Variants in EPHA6 observed in about 807,000 individuals in gnomAD.
EPHA6 encodes the protein ephrin type-A receptor 6.
In EPHA6, 50 loss-of-function variants were observed where a neutral mutation model predicts 112.0. That is an observed-to-expected ratio of 0.45 (90% CI 0.36 to 0.56). The LOEUF (loss-of-function observed/expected upper bound fraction) is 0.56. EPHA6 is among the 20% of genes least tolerant of loss of function. EPHA6 has a pLI of 0.00. For synonymous variants in EPHA6, 529 were observed against 490.7 expected (o/e 1.08, Z -1.03); for missense variants, 1,280 against 1,417.4 (o/e 0.90, Z 1.56).
intron 13 of EPHA6, among the ~76,000 whole-genome samples, chr3:97,618,932 A>G (rs2093789320): frequency 6.6e-6 from 1 of 152,120 alleles, no homozygotes; most frequent in South Asian, 2.1e-4. Context: ...CATCTTCCTG[A>G]TACCAAAACC....
chr3:97,207,111 C>A (rs1328168141), intron 3 of EPHA6, among the ~76,000 whole-genome samples: 2 of 152,098 alleles, frequency 1.3e-5, no homozygotes, highest in East Asian at 3.9e-4. Flanking sequence ...TATGGTATTT[C>A]TTTGATAATG....
chr3:97,067,192 G>A lies in EPHA6; in HGVS notation c.1114+79199G>A, dbSNP rs2046204263. Among the ~76,000 whole-genome samples, 2 of 151,984 alleles carry A rather than the reference G, an allele frequency of 1.3e-5. 1 individual carries two copies. The highest frequency in any genetic ancestry group is 1.3e-4 in the Admixed American group (2 of 15,248). Reference sequence around the variant, plus strand: ...TGCCTGCCAGTGTCCATCTGCCTTAGGCAAAAATTTAAATTGCATACTTTA... The same window carrying A: ...TGCCTGCCAGTGTCCATCTGCCTTAAGCAAAAATTTAAATTGCATACTTTA... On this transcript the variant is annotated intron_variant, in intron 3 of 17. Coordinates refer to ENST00000389672, the MANE Select transcript of EPHA6 (RefSeq NM_001080448.3).
intron 1 of EPHA6, among the ~76,000 whole-genome samples, chr3:96,817,439 A>T (rs1309409839): frequency 1.3e-5 from 2 of 151,922 alleles, no homozygotes; most frequent in Non-Finnish European, 2.9e-5. Flanking sequence ...TAGAATTATC[A>T]TATGTATTCA....
intron 14 of EPHA6, among the ~76,000 whole-genome samples, chr3:97,673,296 A>T (rs1001164264): frequency 2.6e-5 from 4 of 152,174 alleles, no homozygotes; most frequent in Non-Finnish European, 5.9e-5. Context: ...GGTAAACTAA[A>T]AAAGGAAGAA....
chr3:96,981,886 G>T (rs1005764030), intron 2 of EPHA6, among the ~76,000 whole-genome samples: 3 of 152,020 alleles, frequency 2.0e-5, no homozygotes, highest in Non-Finnish European at 2.9e-5. Flanking sequence ...CATTTCTGTG[G>T]GATCAGTGGT....
At chr3:97,736,158 T>G (rs774140381) in intron 16 of EPHA6, 40 bp downstream of exon 16, 3 of 1,540,230 alleles carry the variant, frequency 1.9e-6, no homozygotes, top group East Asian at 4.5e-5. Flanking sequence ...TCTTGACAAT[T>G]ATGGTTTCTT....
chr3:97,400,714 G>GT (rs1194767358), intron 5 of EPHA6, among the ~76,000 whole-genome samples: 1 of 151,298 alleles, frequency 6.6e-6, no homozygotes, highest in Non-Finnish European at 1.5e-5. Context: ...TGCCTTGTTG[G>GT]TTTTTTCAGC....
chr3:97,639,309 A>G (rs766127155), intron 14 of EPHA6, among the ~76,000 whole-genome samples: 1 of 151,980 alleles, frequency 6.6e-6, no homozygotes, highest in Non-Finnish European at 1.5e-5. Context: ...CTCCATTTTT[A>G]AATTGGAAAA....
At chr3:97,177,640 G>T (rs2076873092) in intron 3 of EPHA6, among the ~76,000 whole-genome samples, 1 of 151,638 alleles carries the variant, frequency 6.6e-6, no homozygotes, top group African/African-American at 2.4e-5. Context: ...TCCAGTGTTT[G>T]GTTCATATAT....
rs1442163918 is a variant in EPHA6 at position 97,758,611 on chromosome 3, A to C, written c.*9910A>C. On this transcript the variant is annotated 3_prime_UTR_variant, in exon 18 of 18. Coordinates refer to ENST00000389672, the MANE Select transcript of EPHA6 (RefSeq NM_001080448.3). ...ATTGACCTTCTAGTGATAAAGACACACAATGAAGAAATAGTGATGTGCTGT... is the reference window on the plus strand; with the variant it reads ...ATTGACCTTCTAGTGATAAAGACACCCAATGAAGAAATAGTGATGTGCTGT... 1.3e-5 allele frequency among the ~76,000 whole-genome samples: 2 copies of C among 151,960 alleles called. No homozygotes were observed. Among genetic ancestry groups the C allele is most frequent in the African/African-American group, 4.8e-5 (2 of 41,416 alleles).
At chr3:97,057,164 C>T (rs2612269) in intron 3 of EPHA6, among the ~76,000 whole-genome samples, 9,818 of 152,082 alleles carry the variant, frequency 0.065, 331 homozygotes, top group Middle Eastern at 0.13. Context: ...CTTTGGTTGC[C>T]GGGGATATTT....
At chr3:97,204,044 A>G (rs1003765214) in intron 3 of EPHA6, among the ~76,000 whole-genome samples, 2 of 152,160 alleles carry the variant, frequency 1.3e-5, no homozygotes, top group Non-Finnish European at 2.9e-5. Flanking sequence ...AAGGTTGTAT[A>G]ATTATGTGTT....
chr3:97,644,309 A>C (rs2107586302), intron 14 of EPHA6, among the ~76,000 whole-genome samples: 1 of 148,816 alleles, frequency 6.7e-6, no homozygotes, highest in East Asian at 2.0e-4. Flanking sequence ...GGAAATTTAT[A>C]GCACTAAATG....
chr3:97,717,074 C>CA (rs1166171708), intron 14 of EPHA6, among the ~76,000 whole-genome samples: 1 of 151,140 alleles, frequency 6.6e-6, no homozygotes, highest in East Asian at 1.9e-4. Flanking sequence ...TACTAAAATA[C>CA]AAAAAAATTA....
intron 11 of EPHA6, among the ~76,000 whole-genome samples, chr3:97,578,852 T>G (rs1331457256): frequency 2.0e-5 from 3 of 152,232 alleles, no homozygotes; most frequent in Non-Finnish European, 2.9e-5. Flanking sequence ...ACTTATCTAT[T>G]GTGTATGAAT....
intron 15 of EPHA6, among the ~76,000 whole-genome samples, chr3:97,725,392 G>C (rs2034715562): frequency 6.6e-6 from 1 of 152,116 alleles, no homozygotes; most frequent in Non-Finnish European, 1.5e-5. Context: ...TGTGCACTTA[G>C]AGGTGGTCAG....
chr3:96,829,887 A>G (rs1388573896), intron 1 of EPHA6, among the ~76,000 whole-genome samples: 1 of 150,944 alleles, frequency 6.6e-6, no homozygotes, highest in African/African-American at 2.4e-5. Flanking sequence ...ACTTTCAGGC[A>G]GTTGTTTATA....
In EPHA6 at chr3:96,845,001, T is replaced by C. The variant is rs187139767; in HGVS notation, c.386-21824T>C. ...AGATAAAAGAAATAAAAATAAGATA[T>C]CCTGTACATCCCATGAAAGTGTATT... On this transcript the variant is annotated intron_variant, in intron 1 of 17. Coordinates refer to ENST00000389672, the MANE Select transcript of EPHA6 (RefSeq NM_001080448.3). Among the ~76,000 whole-genome samples, 274 of 151,838 alleles carry C rather than the reference T, an allele frequency of 1.8e-3. 1 individual carries two copies. The highest frequency in any genetic ancestry group is 3.2e-3 in the Non-Finnish European group (215 of 67,862).
intron 5 of EPHA6, among the ~76,000 whole-genome samples, chr3:97,375,769 C>G (rs927024410): frequency 3.3e-5 from 5 of 152,062 alleles, no homozygotes; most frequent in Non-Finnish European, 7.4e-5. Context: ...ATGACTAATA[C>G]ATGCCCCAAC....
Sources: allele counts gnomAD v4.1 joint callset (sites outside exome capture counted in the v4.1 genomes callset), GRCh38; gene constraint gnomAD v4.1.1; transcripts MANE v1.5; gene names NCBI Gene and HGNC (gene_info 2026-07-23, HGNC 2026-07-21).